Variants in GRHPR observed in about 807,000 individuals in gnomAD.
GRHPR encodes glyoxylate and hydroxypyruvate reductase.
Under a neutral mutation model 36.8 loss-of-function variants are expected in GRHPR, and 35 were observed. That is an observed-to-expected ratio of 0.95 (90% confidence interval 0.73 to 1.26). The LOEUF is 1.26. GRHPR is among the 50% of genes most tolerant of loss of function. GRHPR has a pLI of 0.00. For missense variants in GRHPR, 380 were observed against 435.0 expected (o/e 0.87, Z 1.12); for synonymous variants, 179 against 181.0 (o/e 0.99, Z 0.09).
chr9:37,423,448 C>A (rs1411130468), intron 1 of GRHPR, among the ~76,000 whole-genome samples: 1 of 151,798 alleles, frequency 6.6e-6, no homozygotes, highest in African/African-American at 2.4e-5. Context: ...GTTGGGATTA[C>A]AGGTGTTAGT....
Position 37,432,017 on chromosome 9 carries a change from C to T in GRHPR, c.744C>T (p.Val248=), listed in dbSNP as rs373541730. 1.3e-5 allele frequency: 21 copies of T among 1,613,992 alleles called. No individual in the cohort carries two copies. In the South Asian group the frequency reaches 1.8e-4, roughly 14 times the overall value. The change falls in exon 8 of 9, where the codon GTC becomes GTT. Residue 248 remains valine, a synonymous_variant. Transcript: ENST00000318158. ...AVFINISRGD[V]VNQDDLYQAL... ...CCACTGTCATTCCCAGGGGCGACGTCGTAAACCAGGACGACCTGTACCAGG... is the reference window on the plus strand; with the variant it reads ...CCACTGTCATTCCCAGGGGCGACGTTGTAAACCAGGACGACCTGTACCAGG...
chr9:37,437,761 T>C (rs1052227853), downstream of GRHPR, among the ~76,000 whole-genome samples: 1 of 151,932 alleles, frequency 6.6e-6, no homozygotes, highest in Non-Finnish European at 1.5e-5. Context: ...TGCCAATGCC[T>C]TGCTCTGTGC....
chr9:37,429,749 C>T lies in GRHPR; in HGVS notation c.511C>T (p.Arg171Cys), dbSNP rs370733771. ...TGCTCTAGGCCAGGCCATTGCTCGG[C>T]GTCTGAAACCATTCGGTGTCCAGAG... ...LGRIGQAIAR[R>C]LKPFGVQRFL... Residue 171 changes from arginine (R) to cysteine (C), a missense_variant, in exon 6 of 9, where the codon CGT (arginine) becomes TGT (cysteine). Coordinates refer to ENST00000318158, the MANE Select transcript of GRHPR (RefSeq NM_012203.2). 3.4e-5 allele frequency: 54 copies of T among 1,611,840 alleles called. No individual in the cohort carries two copies. Among genetic ancestry groups the T allele is most frequent in the Middle Eastern group, 3.3e-4 (2 of 6,072 alleles).
At chr9:37,431,889 A>G (rs1588761091) in intron 7 of GRHPR, 119 bp from the exon 8 acceptor site, 1 of 1,030,218 alleles carries the variant, frequency 9.7e-7, no homozygotes, top group Non-Finnish European at 1.5e-6. Flanking sequence ...CCTAAGACTT[A>G]CTGCTTTAAA....
At position 37,436,785 on chromosome 9, in the gene GRHPR, A is replaced by G. The variant is rs752397163; in HGVS notation, c.*3A>G. ...TGCCTAGTGAACTCAAGCTGTAGCC[A>G]AACAGTAGAGATGGAGGGCCGGGAA... On this transcript the variant is annotated 3_prime_UTR_variant, in exon 9 of 9. Transcript: ENST00000318158. The G allele has an allele frequency of 1.9e-6, 3 of 1,614,008 alleles. No homozygotes were observed. The highest frequency in any genetic ancestry group is 1.7e-6 in the Non-Finnish European group (2 of 1,179,904).
At chr9:37,437,916 T>G (rs150369263), downstream of GRHPR, among the ~76,000 whole-genome samples, 1,341 of 152,218 alleles carry the variant, frequency 8.8e-3, 14 homozygotes, top group African/African-American at 0.03. Flanking sequence ...CAAAATCTCA[T>G]GCATGTGCGT....
intron 7 of GRHPR, 150 bp from the exon 8 acceptor site, chr9:37,431,858 T>A: frequency 1.3e-6 from 1 of 779,914 alleles, no homozygotes; most frequent in Admixed American, 2.1e-5. Context: ...ATATAAGACT[T>A]ACAGACATAC....
intron 6 of GRHPR, chr9:37,430,059 C>G (rs1823286537): frequency 1.7e-6 from 1 of 594,926 alleles, no homozygotes; most frequent in Non-Finnish European, 3.0e-6. Flanking sequence ...GTCCAGGGCT[C>G]CCGTCTTTCA....
At chr9:37,425,172 G>A (rs1015382927) in intron 2 of GRHPR, among the ~76,000 whole-genome samples, 197 bp downstream of exon 2, 1 of 152,166 alleles carries the variant, frequency 6.6e-6, no homozygotes, top group African/African-American at 2.4e-5. Context: ...CCTTGGCGGG[G>A]GACCCTAGGA....
rs748100952 is a variant in GRHPR at position 37,424,876 on chromosome 9, C to A, written c.115C>A (p.Pro39Thr). 6.2e-7 allele frequency: 1 copy of A among 1,613,522 alleles called. No individual in the cohort carries two copies. The highest frequency in any genetic ancestry group is 1.7e-5 in the Admixed American group (1 of 60,022). The change falls in exon 2 of 9, where the codon CCC becomes ACC. Residue 39 changes from proline to threonine, a missense_variant. By Grantham distance (38) the Pro-to-Thr change is conservative (BLOSUM62 -1). Transcript: ENST00000318158. ...CEVEQWDSDE[P>T]IPAKELERGV... ...GGTGGAGCAGTGGGACTCGGATGAG[C>A]CCATCCCTGCCAAGGAGCTAGAGCG...
intron 8 of GRHPR, among the ~76,000 whole-genome samples, chr9:37,435,889 C>T (rs770967025): frequency 3.9e-5 from 6 of 152,140 alleles, no homozygotes; most frequent in African/African-American, 7.2e-5. Context: ...CCTTGCATCT[C>T]GGCATCTGGA....
intron 1 of GRHPR, 97 bp from the exon 2 acceptor site, chr9:37,424,748 T>G (rs1822993334): frequency 1.4e-6 from 2 of 1,456,106 alleles, no homozygotes; most frequent in Non-Finnish European, 1.9e-6. Flanking sequence ...CCGGGCAGCC[T>G]GAGGCCAGGG....
chr9:37,425,937 T>C lies in GRHPR; in HGVS notation c.230T>C (p.Val77Ala). The change falls in exon 3 of 9, where the codon GTC (valine) becomes GCC (alanine). Residue 77 changes from valine (V) to alanine (A), a missense_variant. Val to Ala is a moderately conservative substitution (Grantham distance 64). Coordinates refer to ENST00000318158, the MANE Select transcript of GRHPR (RefSeq NM_012203.2). ...TGCACAACAGGGGCCAATCTCAAAG[T>C]CATCAGCACCATGTCTGTGGGCATC... ...ILDAAGANLK[V>A]ISTMSVGIDH... is the part of the protein sequence containing the mutation. 1 of 1,613,466 alleles carries C rather than the reference T, an allele frequency of 6.2e-7. No individual in the cohort carries two copies.
At chr9:37,439,393 T>G (rs1456679077), downstream of GRHPR, 1 of 152,260 alleles carries the variant, frequency 6.6e-6, no homozygotes, top group Non-Finnish European at 1.5e-5. Context: ...TCAAACAACT[T>G]TAAACATTTG....
In GRHPR at chr9:37,432,116, T is replaced by C. The variant is rs780918729; in HGVS notation, c.843T>C (p.Pro281=). Residue 281 remains proline, a synonymous_variant, in exon 8 of 9, where the codon CCT becomes CCC. Coordinates refer to ENST00000318158, the MANE Select transcript of GRHPR (RefSeq NM_012203.2). The stretch of plus-strand genomic sequence containing the variant: ...CAGAACCACTGCCTACAAACCACCC[T>C]CTCCTGACCCTGAAGAACTGTGGTA... ...TSPEPLPTNH[P]LLTLKNCVIL... is the part of the protein sequence containing the mutation. 6.2e-7 allele frequency: 1 copy of C among 1,613,898 alleles called. No individual in the cohort carries two copies. The highest frequency in any genetic ancestry group is 8.5e-7 in the Non-Finnish European group (1 of 1,179,886).
At chr9:37,426,808 G>A (rs778745537) in intron 4 of GRHPR, among the ~76,000 whole-genome samples, 154 bp downstream of exon 4, 1 of 152,066 alleles carries the variant, frequency 6.6e-6, no homozygotes, top group Admixed American at 6.6e-5. Flanking sequence ...AAAATTAGCT[G>A]GGTGTGGTGG....
rs73646385 is a variant in GRHPR at position 37,434,158 on chromosome 9, T to G, written c.865+2020T>G. On this transcript the variant is annotated intron_variant, in intron 8 of 8. Transcript: ENST00000318158. ...CCGCCACCGCTGCTTCTACAAAATC[T>G]AAGCACTGGGCTGCAGCCATGTCCT... 9.0e-3 allele frequency: 3,587 copies of G among 398,654 alleles called. 118 individuals carry two copies. Among genetic ancestry groups the G allele is most frequent in the African/African-American group, 0.064 (3,106 of 48,694 alleles). 24.7% of individuals were successfully genotyped at this position (398,654 alleles called of 1,614,324 possible).
chr9:37,435,779 C>T (rs1476314278), intron 8 of GRHPR, among the ~76,000 whole-genome samples: 1 of 152,096 alleles, frequency 6.6e-6, no homozygotes, highest in Non-Finnish European at 1.5e-5. Flanking sequence ...ATGATTTCTA[C>T]CTGGAAAAAA....
At chr9:37,430,968 A>G (rs1823337469) in intron 7 of GRHPR, 2 of 505,450 alleles carry the variant, frequency 4.0e-6, no homozygotes, top group Non-Finnish European at 8.0e-6. Context: ...AAAGGGCTGG[A>G]CTTGAGGATC....
Sources: allele counts gnomAD v4.1 joint callset (sites outside exome capture counted in the v4.1 genomes callset), GRCh38; gene constraint gnomAD v4.1.1; transcripts MANE v1.5; gene names NCBI Gene and HGNC (gene_info 2026-07-23, HGNC 2026-07-21).